Variants in GNG11 observed in about 807,000 individuals in gnomAD.
GNG11 encodes the protein guanine nucleotide-binding protein G(I)/G(S)/G(O) subunit gamma-11.
In GNG11, 6 loss-of-function variants were observed where a neutral mutation model predicts 7.4. The ratio of observed to expected loss-of-function variants is 0.81; its 90% CI spans 0.44 to 1.60. The LOEUF (loss-of-function observed/expected upper bound fraction) is 1.60. GNG11 is among the 40% of genes most tolerant of loss of function. GNG11 has a pLI of 0.01. For missense variants in GNG11, 65 were observed against 83.0 expected (o/e 0.78, Z 0.84); for synonymous variants, 31 against 25.9 (o/e 1.20, Z -0.60).
chr7:93,922,104 C>A lies in GNG11; in HGVS notation c.-34C>A. On this transcript the variant is annotated 5_prime_UTR_variant, in exon 1 of 2. Coordinates refer to ENST00000248564, the MANE Select transcript of GNG11 (RefSeq NM_004126.4). Reference sequence around the variant, plus strand: ...CGCCGCTCTTCCAGCGGCTCCGCTGCCAGAGCTAGCCCGAGCCCGGTTCTG... The same window carrying A: ...CGCCGCTCTTCCAGCGGCTCCGCTGACAGAGCTAGCCCGAGCCCGGTTCTG... 2 of 1,367,784 alleles carry A rather than the reference C, an allele frequency of 1.5e-6. No homozygotes were observed. The highest frequency in any genetic ancestry group is 1.0e-6 in the Non-Finnish European group (1 of 988,592). The allele number at this position is 1,367,784 out of a possible 1,614,324, so 84.7% of individuals were successfully genotyped here.
At position 93,927,886 on chromosome 7, in the gene GNG11, G is replaced by A. The variant is rs1396398656; in HGVS notation, c.*1670G>A. 6.6e-6 allele frequency: 1 copy of A among 152,112 alleles called. No homozygotes were observed. Among genetic ancestry groups the A allele is most frequent in the Non-Finnish European group, 1.5e-5 (1 of 68,020 alleles). 9.4% of individuals were successfully genotyped at this position (152,112 alleles called of 1,614,324 possible). On this transcript the variant is annotated 3_prime_UTR_variant, in exon 2 of 2. Coordinates refer to ENST00000248564, the MANE Select transcript of GNG11 (RefSeq NM_004126.4). ...AGTATGATCTACTACTCTTAGGAAG[G>A]ATTTAGGAATAGTAAAGGTGTATTT...
Position 93,921,928 on chromosome 7 carries a change from G to C in GNG11, c.-210G>C. On this transcript the variant is annotated 5_prime_UTR_variant, in exon 1 of 2. Coordinates refer to ENST00000248564, the MANE Select transcript of GNG11 (RefSeq NM_004126.4). ...GACTTGAGAAAAGGCAGAGTTCTCA[G>C]GTCCTAGGAAGCTGGGGCACGCTGG... is the stretch of plus-strand genomic sequence containing the variant. 2.2e-6 allele frequency: 1 copy of C among 453,174 alleles called. No homozygotes were observed. Among genetic ancestry groups the C allele is most frequent in the South Asian group, 4.5e-5 (1 of 22,314 alleles). The allele number at this position is 453,174 out of a possible 1,614,324, so 28.1% of individuals were successfully genotyped here. A position where few individuals can be genotyped will look rare whatever the true frequency, so the allele number is the denominator to read the frequency against.
At chr7:93,922,795 G>A (rs1794633322) in intron 1 of GNG11, among the ~76,000 whole-genome samples, 1 of 151,996 alleles carries the variant, frequency 6.6e-6, no homozygotes, top group Non-Finnish European at 1.5e-5. Flanking sequence ...ATTAGTATGC[G>A]ATTAATACAG....
intron 1 of GNG11, 128 bp from the exon 2 acceptor site, chr7:93,925,963 A>G (rs1794672730): frequency 5.9e-6 from 2 of 340,340 alleles, no homozygotes; most frequent in Non-Finnish European, 1.1e-5. Flanking sequence ...ACACATGCAC[A>G]TATATATGTA....
intron 1 of GNG11, 23 bp downstream of exon 1, chr7:93,922,256 T>G (rs1304346207): frequency 7.2e-7 from 1 of 1,383,178 alleles, no homozygotes; most frequent in East Asian, 2.4e-5. Flanking sequence ...TTCCGGAATA[T>G]TTCCTTCTCT....
Position 93,927,642 on chromosome 7 carries a change from C to G in GNG11, c.*1426C>G, listed in dbSNP as rs1260768768. The stretch of plus-strand genomic sequence containing the variant: ...GAGAGGCGCCTGTAACCTGTAGCAG[C>G]TTTCTAAAGTATATCAGCATCCTCG... On this transcript the variant is annotated 3_prime_UTR_variant, in exon 2 of 2. Transcript: ENST00000248564. The G allele has an allele frequency of 1.3e-5, 2 of 152,300 alleles. No individual in the cohort carries two copies. The highest frequency in any genetic ancestry group is 4.8e-5 in the African/African-American group (2 of 41,558). 9.4% of individuals were successfully genotyped at this position (152,300 alleles called of 1,614,324 possible). A position where few individuals can be genotyped will look rare whatever the true frequency, so the allele number is the denominator to read the frequency against.
At chr7:93,925,834 G>A (rs1268162310) in intron 1 of GNG11, among the ~76,000 whole-genome samples, 2 of 151,816 alleles carry the variant, frequency 1.3e-5, no homozygotes, top group South Asian at 2.1e-4. Flanking sequence ...TTTGACCAAC[G>A]ACCAACAGTA....
rs552192690 is a variant in GNG11 at position 93,927,937 on chromosome 7, T to A, written c.*1721T>A. ...CTTCCAAACAGCATAGAACTATTAG[T>A]ACTATTAGTCATTTAACATTTAACA... On this transcript the variant is annotated 3_prime_UTR_variant, in exon 2 of 2. Coordinates refer to ENST00000248564, the MANE Select transcript of GNG11 (RefSeq NM_004126.4). 1.3e-5 allele frequency: 2 copies of A among 152,198 alleles called. No individual in the cohort carries two copies. Among genetic ancestry groups the A allele is most frequent in the East Asian group, 3.8e-4 (2 of 5,202 alleles). 9.4% of individuals were successfully genotyped at this position (152,198 alleles called of 1,614,324 possible). A position where few individuals can be genotyped will look rare whatever the true frequency, so the allele number is the denominator to read the frequency against.
Position 93,926,326 on chromosome 7 carries a change from T to C in GNG11, c.*110T>C, listed in dbSNP as rs1794679033. On this transcript the variant is annotated 3_prime_UTR_variant, in exon 2 of 2. Transcript: ENST00000248564. ...GGAAGAATGAAATTAAAAGGAGACT[T>C]TCTTAAGCACCATATAGATAGGGTT... 1.2e-6 allele frequency: 1 copy of C among 812,224 alleles called. No homozygotes were observed. Among genetic ancestry groups the C allele is most frequent in the African/African-American group, 1.7e-5 (1 of 58,114 alleles). The allele number at this position is 812,224 out of a possible 1,614,324, so 50.3% of individuals were successfully genotyped here. A position where few individuals can be genotyped will look rare whatever the true frequency, so the allele number is the denominator to read the frequency against.
In GNG11 at chr7:93,926,343, G is replaced by T. The variant is rs181288723; in HGVS notation, c.*127G>T. 484 of 675,636 alleles carry T rather than the reference G, an allele frequency of 7.2e-4. 3 individuals carry two copies. In the African/African-American group the frequency reaches 8.2e-3, roughly 11 times the overall value. 41.9% of individuals were successfully genotyped at this position (675,636 alleles called of 1,614,324 possible). On this transcript the variant is annotated 3_prime_UTR_variant, in exon 2 of 2. Transcript: ENST00000248564. ...AGGAGACTTTCTTAAGCACCATATAGATAGGGTTATGTATAAAAGCATATG... is the reference window on the plus strand; with the variant it reads ...AGGAGACTTTCTTAAGCACCATATATATAGGGTTATGTATAAAAGCATATG...
Position 93,927,015 on chromosome 7 carries a change from T to G in GNG11, c.*799T>G, listed in dbSNP as rs1032424992. 11 of 152,316 alleles carry G rather than the reference T, an allele frequency of 7.2e-5. No homozygotes were observed. The highest frequency in any genetic ancestry group is 2.2e-4 in the African/African-American group (9 of 41,468). 9.4% of individuals were successfully genotyped at this position (152,316 alleles called of 1,614,324 possible). The stretch of plus-strand genomic sequence containing the variant: ...GCTCTCCAGGTCTTGGGCATGGCAC[T>G]ACTCCAGTTCTGTGGCATTGGTGCA... On this transcript the variant is annotated 3_prime_UTR_variant, in exon 2 of 2. Transcript: ENST00000248564.
At chr7:93,922,847 G>A (rs1012993114) in intron 1 of GNG11, among the ~76,000 whole-genome samples, 2 of 151,960 alleles carry the variant, frequency 1.3e-5, no homozygotes, top group African/African-American at 4.8e-5. Flanking sequence ...CATACACTGT[G>A]GTGCATATGA....
chr7:93,926,288 GC>G lies in GNG11; in HGVS notation c.*73del, dbSNP rs1451456157. 25 of 1,123,982 alleles carry G rather than the reference GC, an allele frequency of 2.2e-5. No homozygotes were observed. The Middle Eastern group carries it at 6.2e-4, about 28-fold the overall frequency. 69.6% of individuals were successfully genotyped at this position (1,123,982 alleles called of 1,614,324 possible). On this transcript the variant is annotated 3_prime_UTR_variant, in exon 2 of 2. Transcript: ENST00000248564. ...TAGTTTTCCCAGATAAAACCAACAT[GC>G]TTTTTAAGGAAGGAAGAATGAAATT...
In GNG11 at chr7:93,926,300, A is replaced by T; in HGVS notation, c.*84A>T. 9.6e-7 allele frequency: 1 copy of T among 1,040,650 alleles called. No homozygotes were observed. Among genetic ancestry groups the T allele is most frequent in the Non-Finnish European group, 1.4e-6 (1 of 722,790 alleles). The allele number at this position is 1,040,650 out of a possible 1,614,324, so 64.5% of individuals were successfully genotyped here. A position where few individuals can be genotyped will look rare whatever the true frequency, so the allele number is the denominator to read the frequency against. ...ATAAAACCAACATGCTTTTTAAGGA[A>T]GGAAGAATGAAATTAAAAGGAGACT... is the stretch of plus-strand genomic sequence containing the variant. On this transcript the variant is annotated 3_prime_UTR_variant, in exon 2 of 2. Transcript: ENST00000248564.
Position 93,926,968 on chromosome 7 carries a change from C to T in GNG11, c.*752C>T, listed in dbSNP as rs1371043540. On this transcript the variant is annotated 3_prime_UTR_variant, in exon 2 of 2. Transcript: ENST00000248564. ...CTTTGAGAGCCAGTACTTATTCCTG[C>T]ACAGAGCTACATCTCCCATGTGCTC... is the stretch of plus-strand genomic sequence containing the variant. The T allele has an allele frequency of 2.6e-5, 4 of 152,286 alleles. No individual in the cohort carries two copies. Among genetic ancestry groups the T allele is most frequent in the African/African-American group, 9.6e-5 (4 of 41,464 alleles). 9.4% of individuals were successfully genotyped at this position (152,286 alleles called of 1,614,324 possible).
chr7:93,922,747 G>A (rs1358775052), intron 1 of GNG11, among the ~76,000 whole-genome samples: 2 of 152,250 alleles, frequency 1.3e-5, no homozygotes, highest in African/African-American at 2.4e-5. Context: ...ATATTTATTT[G>A]TAAATCTCAT....
In GNG11 at chr7:93,922,189, G is replaced by A; in HGVS notation, c.52G>A (p.Glu18Lys). 1 of 1,597,006 alleles carries A rather than the reference G, an allele frequency of 6.3e-7. No individual in the cohort carries two copies. The highest frequency in any genetic ancestry group is 8.6e-7 in the Non-Finnish European group (1 of 1,168,490). ...DLPEKEKLKM[E>K]VEQLRKEVKL... ...GCCAGAGAAGGAAAAACTGAAAATG[G>A]AAGTTGAGCAGCTTCGCAAAGAAGT... Residue 18 changes from glutamate to lysine, a missense_variant, in exon 1 of 2, where the codon GAA becomes AAA. Physicochemically the swap from Glu to Lys is moderately conservative, Grantham distance 56. Transcript: ENST00000248564.
chr7:93,927,666 C>T lies in GNG11; in HGVS notation c.*1450C>T, dbSNP rs555391261. On this transcript the variant is annotated 3_prime_UTR_variant, in exon 2 of 2. Coordinates refer to ENST00000248564, the MANE Select transcript of GNG11 (RefSeq NM_004126.4). ...GCTTTCTAAAGTATATCAGCATCCT[C>T]GTTCTGAAATTCCTTTCCTTTCCCT... 2.0e-4 allele frequency: 30 copies of T among 152,268 alleles called. 2 individuals carry two copies. Among genetic ancestry groups the T allele is most frequent in the African/African-American group, 2.6e-4 (11 of 41,544 alleles). The allele number at this position is 152,268 out of a possible 1,614,324, so 9.4% of individuals were successfully genotyped here.
At chr7:93,924,024 T>TA (rs774004152) in intron 1 of GNG11, among the ~76,000 whole-genome samples, 10 of 152,168 alleles carry the variant, frequency 6.6e-5, no homozygotes, top group Non-Finnish European at 7.4e-5. Context: ...CTTTAAGGAT[T>TA]AAAAAAAACT....
Sources: gnomAD v4.1 joint callset for allele counts (sites outside exome capture counted in the v4.1 genomes callset) on GRCh38, gnomAD v4.1.1 for gene constraint, MANE v1.5 for transcripts, NCBI Gene and HGNC (gene_info 2026-07-23, HGNC 2026-07-21) for gene names.